The following MAGI2 variants were observed in gnomAD, a reference collection of about 807,000 sequenced individuals.
MAGI2 encodes membrane-associated guanylate kinase, WW and PDZ domain-containing protein 2.
Under a neutral mutation model 133.3 loss-of-function variants are expected in MAGI2, and 35 were observed. The observed-to-expected ratio is 0.26, with a 90% CI of 0.20 to 0.35. MAGI2 has a LOEUF of 0.35. MAGI2 is among the 10% of genes least tolerant of loss of function. MAGI2 has a pLI of 1.00. For missense variants in MAGI2, 1,636 were observed against 1,863.4 expected, an observed-to-expected ratio of 0.88 and a Z score of 2.25; for synonymous variants, 729 against 710.6, an observed-to-expected ratio of 1.03 and a Z score of -0.41.
At position 79,203,979 on chromosome 7, in the gene MAGI2, A is replaced by C. The variant is rs147356979; in HGVS notation, c.302-196773T>G. 3.2e-3 allele frequency among the ~76,000 whole-genome samples: 486 copies of C among 152,160 alleles called. 7 individuals carry two copies. The highest frequency in any genetic ancestry group is 0.011 in the African/African-American group (457 of 41,436). On this transcript the variant is annotated intron_variant, in intron 1 of 21. Transcript: ENST00000354212. ...AGATCACAGTATTTGGTTGTAGTAC[A>C]ATAATAAGAAAAGGCACATGGAAGA... is the stretch of plus-strand genomic sequence containing the variant.
At chr7:78,200,618 TAC>T (rs1829160413) in intron 11 of MAGI2, among the ~76,000 whole-genome samples, 1 of 152,226 alleles carries the variant, frequency 6.6e-6, no homozygotes, top group African/African-American at 2.4e-5. Context: ...CAAAGACACA[TAC>T]ACACATTATA....
Position 78,356,100 on chromosome 7 carries a change from C to A in MAGI2, c.1104-10057G>T, listed in dbSNP as rs138961747. ...TTAGGGCAAGTCCTAACATCAATTT[C>A]TTGAACTCTTTGCCCTTACTGACTC... is the stretch of plus-strand genomic sequence containing the variant. On this transcript the variant is annotated intron_variant, in intron 7 of 21. Transcript: ENST00000354212. Among the ~76,000 whole-genome samples, 3 of 152,254 alleles carry A rather than the reference C, an allele frequency of 2.0e-5. No individual in the cohort carries two copies. The East Asian group carries it at 5.8e-4, about 29-fold the overall frequency.
At chr7:79,356,887 T>C (rs2129117285) in intron 1 of MAGI2, among the ~76,000 whole-genome samples, 1 of 152,288 alleles carries the variant, frequency 6.6e-6, no homozygotes, top group South Asian at 2.1e-4. Flanking sequence ...ATACTCATTC[T>C]CTAGGTCCAA....
At chr7:78,410,479 C>A (rs1386532323) in intron 6 of MAGI2, among the ~76,000 whole-genome samples, 3 of 151,992 alleles carry the variant, frequency 2.0e-5, no homozygotes, top group African/African-American at 7.2e-5. Flanking sequence ...GGCAGCATTT[C>A]TCATTGCCCC....
chr7:78,840,209 C>T (rs1327550458), intron 2 of MAGI2, among the ~76,000 whole-genome samples: 1 of 152,016 alleles, frequency 6.6e-6, no homozygotes, highest in African/African-American at 2.4e-5. Flanking sequence ...TACCTTTCAA[C>T]ATACAGCATT....
intron 6 of MAGI2, among the ~76,000 whole-genome samples, chr7:78,377,184 G>A (rs1198636857): frequency 6.6e-6 from 1 of 152,020 alleles, no homozygotes; most frequent in Non-Finnish European, 1.5e-5. Flanking sequence ...GAGAAATAAA[G>A]CCACCCATAA....
chr7:78,048,996 T>C (rs1013518780), intron 21 of MAGI2, among the ~76,000 whole-genome samples: 1 of 151,138 alleles, frequency 6.6e-6, no homozygotes, highest in African/African-American at 2.4e-5. Context: ...TAATCCCAGC[T>C]ACTTGGGAGG....
At chr7:78,662,429 A>C (rs1379441238) in intron 2 of MAGI2, among the ~76,000 whole-genome samples, 1 of 152,182 alleles carries the variant, frequency 6.6e-6, no homozygotes, top group Non-Finnish European at 1.5e-5. Context: ...CACTTCCTTA[A>C]GGTCTATATA....
chr7:78,311,177 C>T (rs1415486942), intron 9 of MAGI2, among the ~76,000 whole-genome samples: 1 of 152,090 alleles, frequency 6.6e-6, no homozygotes. Flanking sequence ...TGGATGAGCT[C>T]CTTCAGGAAA....
intron 9 of MAGI2, among the ~76,000 whole-genome samples, chr7:78,279,868 A>G (rs1217091689): frequency 6.6e-6 from 1 of 152,192 alleles, no homozygotes; most frequent in African/African-American, 2.4e-5. Context: ...GTGCTTAACT[A>G]CTATCAATAC....
At chr7:79,313,398 C>T (rs1444362452) in intron 1 of MAGI2, among the ~76,000 whole-genome samples, 2 of 152,076 alleles carry the variant, frequency 1.3e-5, no homozygotes. Context: ...TAGAACTCTT[C>T]CTGTTTCTTA....
At chr7:78,441,943 T>C (rs1292894269) in intron 6 of MAGI2, among the ~76,000 whole-genome samples, 1 of 152,196 alleles carries the variant, frequency 6.6e-6, no homozygotes, top group Non-Finnish European at 1.5e-5. Flanking sequence ...CACATTTCCT[T>C]AACCAGAGTA....
intron 13 of MAGI2, among the ~76,000 whole-genome samples, chr7:78,180,120 A>G (rs562916655): frequency 8.8e-4 from 134 of 152,218 alleles, no homozygotes; most frequent in Non-Finnish European, 1.7e-3. Context: ...GAGGAACTCT[A>G]GACCACATAC....
chr7:78,604,765 C>A (rs965356660), intron 3 of MAGI2, among the ~76,000 whole-genome samples: 4 of 152,108 alleles, frequency 2.6e-5, no homozygotes, highest in Non-Finnish European at 4.4e-5. Flanking sequence ...TTGCTAATAC[C>A]AATTGTTGTT....
At chr7:78,361,894 C>G (rs1480900426) in intron 7 of MAGI2, among the ~76,000 whole-genome samples, 1 of 152,160 alleles carries the variant, frequency 6.6e-6, no homozygotes, top group Non-Finnish European at 1.5e-5. Context: ...GAAAAACGAC[C>G]TCTAACTTCA....
At chr7:78,935,068 C>T (rs1489558594) in intron 2 of MAGI2, among the ~76,000 whole-genome samples, 1 of 152,054 alleles carries the variant, frequency 6.6e-6, no homozygotes, top group Non-Finnish European at 1.5e-5. Context: ...AAATAATTAC[C>T]TGTTGCTAAA....
chr7:78,061,302 G>A (rs913251787), intron 21 of MAGI2, among the ~76,000 whole-genome samples: 2 of 151,688 alleles, frequency 1.3e-5, no homozygotes, highest in African/African-American at 4.8e-5. Context: ...AGTAAAGGCT[G>A]TCTAATCCGG....
intron 3 of MAGI2, among the ~76,000 whole-genome samples, chr7:78,585,824 C>T (rs1803341446): frequency 6.6e-6 from 1 of 152,188 alleles, no homozygotes; most frequent in Non-Finnish European, 1.5e-5. Context: ...GGTTACTTTA[C>T]AGTCTTGCAT....
chr7:78,238,194 G>A (rs1790755068), intron 10 of MAGI2, among the ~76,000 whole-genome samples: 1 of 151,816 alleles, frequency 6.6e-6, no homozygotes, highest in Non-Finnish European at 1.5e-5. Flanking sequence ...TTCTTTATTT[G>A]CACTCATTTC....
Sources: gnomAD v4.1 joint callset for allele counts (sites outside exome capture counted in the v4.1 genomes callset) on GRCh38, gnomAD v4.1.1 for gene constraint, MANE v1.5 for transcripts, NCBI Gene and HGNC (gene_info 2026-07-23, HGNC 2026-07-21) for gene names.